Variants in SLC8A3 observed in about 807,000 individuals in gnomAD.
The protein encoded by SLC8A3 is sodium/calcium exchanger 3.
Under a neutral mutation model 65.4 loss-of-function variants are expected in SLC8A3, and 37 were observed. The observed-to-expected ratio is 0.57, with a 90% CI of 0.44 to 0.74. SLC8A3 has a LOEUF of 0.74. SLC8A3 is among the 30% of genes least tolerant of loss of function. SLC8A3 has a pLI of 0.00. For synonymous variants in SLC8A3, 461 were observed against 444.5 expected (o/e 1.04, Z -0.47); for missense variants, 1,112 against 1,172.1 (o/e 0.95, Z 0.75).
At chr14:70,104,866 T>C (rs781026813) in intron 2 of SLC8A3, among the ~76,000 whole-genome samples, 28 of 151,520 alleles carry the variant, frequency 1.8e-4, no homozygotes, top group Non-Finnish European at 3.7e-4. Flanking sequence ...TCAAAATCAA[T>C]GATCTCAGCT....
intron 2 of SLC8A3, among the ~76,000 whole-genome samples, chr14:70,165,086 T>C (rs562929025): frequency 6.6e-6 from 1 of 152,356 alleles, no homozygotes; most frequent in Non-Finnish European, 1.5e-5. Flanking sequence ...CTTATGTCTA[T>C]GGTTCAGAAA....
At chr14:70,050,890 T>A in intron 5 of SLC8A3, 118 bp downstream of exon 5, 1 of 647,062 alleles carries the variant, frequency 1.5e-6, no homozygotes, top group South Asian at 1.8e-5. Context: ...GGACCAGAGC[T>A]GGGAAGACTG....
chr14:70,138,123 G>T (rs1215796871), intron 2 of SLC8A3, among the ~76,000 whole-genome samples: 1 of 149,158 alleles, frequency 6.7e-6, no homozygotes, highest in Non-Finnish European at 1.5e-5. Context: ...TGTAACCCTT[G>T]GTCTTGAGTG....
At chr14:70,050,466 T>G (rs12883884) in intron 5 of SLC8A3, among the ~76,000 whole-genome samples, 65,177 of 151,912 alleles carry the variant, frequency 0.43, 14,413 homozygotes, top group African/African-American at 0.56. Flanking sequence ...CCCTCAGGCT[T>G]CTAGGACTCC....
At chr14:70,114,809 A>G (rs1309338625) in intron 2 of SLC8A3, among the ~76,000 whole-genome samples, 1 of 152,220 alleles carries the variant, frequency 6.6e-6, no homozygotes, top group Non-Finnish European at 1.5e-5. Flanking sequence ...GGCTCTGAGG[A>G]GACTCAAATG....
At chr14:70,049,074 GT>G in intron 5 of SLC8A3, 32 bp from the exon 6 acceptor site, 1 of 1,573,414 alleles carries the variant, frequency 6.4e-7, no homozygotes, top group Non-Finnish European at 8.6e-7. Context: ...AAGAGAACGG[GT>G]AACGAAGTCA....
chr14:70,174,668 T>TTG (rs1566833574), intron 1 of SLC8A3, among the ~76,000 whole-genome samples: 3 of 111,084 alleles, frequency 2.7e-5, no homozygotes, highest in African/African-American at 8.8e-5. Flanking sequence ...TTTTGTTTTT[T>TTG]TTTTTTTTTT....
intron 1 of SLC8A3, among the ~76,000 whole-genome samples, chr14:70,173,934 A>C (rs1897707435): frequency 6.6e-6 from 1 of 152,224 alleles, no homozygotes; most frequent in South Asian, 2.1e-4. Flanking sequence ...TCCAAGGAGG[A>C]AAATATAATG....
At chr14:70,146,567 A>C (rs1895940398) in intron 2 of SLC8A3, among the ~76,000 whole-genome samples, 1 of 152,196 alleles carries the variant, frequency 6.6e-6, no homozygotes, top group Non-Finnish European at 1.5e-5. Context: ...CTTGAGGAAA[A>C]AAATAACCCT....
Position 70,166,825 on chromosome 14 carries a change from G to C in SLC8A3, c.1598C>G (p.Thr533Ser). ...GACATGAATAGTATCACATTCAAAA[G>C]TGAAGATGCCTGCATGGTCATCATC... Reference protein sequence around the residue: ...ILDDDHAGIFTFECDTIHVSE... With the variant: ...ILDDDHAGIFSFECDTIHVSE... Residue 533 changes from threonine (T) to serine (S), a missense_variant, in exon 2 of 7, where the codon ACT becomes AGT. Transcript: ENST00000356921. The C allele has an allele frequency of 1.9e-6, 3 of 1,614,138 alleles. No individual in the cohort carries two copies. Among genetic ancestry groups the C allele is most frequent in the Non-Finnish European group, 2.5e-6 (3 of 1,180,014 alleles).
At chr14:70,049,128 G>A in intron 5 of SLC8A3, 86 bp from the exon 6 acceptor site, 1 of 1,310,494 alleles carries the variant, frequency 7.6e-7, no homozygotes, top group Non-Finnish European at 1.1e-6. Flanking sequence ...CGCACCACAG[G>A]CATCATCCGC....
chr14:70,180,705 G>A (rs147787164), intron 1 of SLC8A3, among the ~76,000 whole-genome samples: 48 of 152,306 alleles, frequency 3.2e-4, no homozygotes, highest in Non-Finnish European at 5.7e-4. Context: ...TTTTCTGGGG[G>A]CTCTATGAAA....
At chr14:70,184,258 C>T (rs1382793312) in intron 1 of SLC8A3, among the ~76,000 whole-genome samples, 1 of 152,128 alleles carries the variant, frequency 6.6e-6, no homozygotes, top group Non-Finnish European at 1.5e-5. Context: ...TCCCACTTTC[C>T]AGTTTCAGTA....
chr14:70,108,124 G>C (rs1893001685), intron 2 of SLC8A3, among the ~76,000 whole-genome samples: 1 of 152,152 alleles, frequency 6.6e-6, no homozygotes, highest in South Asian at 2.1e-4. Flanking sequence ...GCACACAGTA[G>C]AGTCTCAATA....
intron 2 of SLC8A3, among the ~76,000 whole-genome samples, chr14:70,150,044 G>A (rs1896165417): frequency 6.6e-6 from 1 of 152,162 alleles, no homozygotes; most frequent in South Asian, 2.1e-4. Context: ...CTAATCCCGG[G>A]ATTGGGGAGG....
At chr14:70,054,582 G>A (rs1303408947) in intron 3 of SLC8A3, among the ~76,000 whole-genome samples, 1 of 152,142 alleles carries the variant, frequency 6.6e-6, no homozygotes, top group Non-Finnish European at 1.5e-5. Flanking sequence ...GAGGATGAGT[G>A]AAGTAGAGAA....
intron 3 of SLC8A3, among the ~76,000 whole-genome samples, chr14:70,057,479 G>A (rs1300354539): frequency 3.9e-5 from 6 of 152,148 alleles, no homozygotes; most frequent in African/African-American, 1.4e-4. Context: ...GGTCCCTGAT[G>A]CCCTGGTTTT....
chr14:70,098,125 G>T (rs1036834604), intron 2 of SLC8A3, among the ~76,000 whole-genome samples: 1 of 152,184 alleles, frequency 6.6e-6, no homozygotes, highest in Admixed American at 6.5e-5. Context: ...TGGAAAGGGA[G>T]ATCAGAGGTT....
chr14:70,138,411 T>C (rs983374381), intron 2 of SLC8A3, among the ~76,000 whole-genome samples: 14 of 152,220 alleles, frequency 9.2e-5, no homozygotes, highest in African/African-American at 1.7e-4. Flanking sequence ...TTATTATGCA[T>C]GCTTCCCAAC....
Sources: gnomAD v4.1 joint callset for allele counts (sites outside exome capture counted in the v4.1 genomes callset) on GRCh38, gnomAD v4.1.1 for gene constraint, MANE v1.5 for transcripts, NCBI Gene and HGNC (gene_info 2026-07-23, HGNC 2026-07-21) for gene names.